Variants in CIB4 observed in about 807,000 individuals in gnomAD.
The protein encoded by CIB4 is calcium and integrin binding family member 4, also known as calcium and integrin-binding family member 4.
CIB4 carries 25 observed loss-of-function variants against 25.8 expected under a neutral mutation model. The ratio of observed to expected loss-of-function variants is 0.97; its 90% CI spans 0.71 to 1.35. The LOEUF (loss-of-function observed/expected upper bound fraction) is 1.35, where lower values mean the gene tolerates loss of function less well. CIB4 is among the 40% of genes most tolerant of loss of function. The pLI, the probability that CIB4 is intolerant of heterozygous loss-of-function variation, is 0.00. For synonymous variants in CIB4, 75 were observed against 81.4 expected, an observed-to-expected ratio of 0.92 and a Z score of 0.42; for missense variants, 235 against 228.2, an observed-to-expected ratio of 1.03 and a Z score of -0.19.
At position 26,595,159 on chromosome 2, in the gene CIB4, TC is replaced by T. The variant is rs750123143; in HGVS notation, c.328+16del. The T allele has an allele frequency of 2.5e-6, 4 of 1,597,324 alleles. No homozygotes were observed. Among genetic ancestry groups the T allele is most frequent in the South Asian group, 1.1e-5 (1 of 90,510 alleles). On this transcript the variant is annotated intron_variant, in intron 4 of 6. Transcript: ENST00000288861. ...GGCCTTTCCACCCCTCACCCCTCAG[TC>T]CCCCACAGCACCTACCATAGATGCG...
intron 2 of CIB4, among the ~76,000 whole-genome samples, chr2:26,639,211 T>C (rs1024076203): frequency 6.6e-6 from 1 of 151,920 alleles, no homozygotes; most frequent in African/African-American, 2.4e-5. Flanking sequence ...TTTTTTTAAA[T>C]TATATTTTAA....
At chr2:26,596,498 C>T (rs1410516680) in intron 3 of CIB4, among the ~76,000 whole-genome samples, 1 of 152,132 alleles carries the variant, frequency 6.6e-6, no homozygotes, top group Non-Finnish European at 1.5e-5. Context: ...AATCCCAGCA[C>T]TTTGGGTGGC....
chr2:26,591,509 C>T (rs1434454357), intron 4 of CIB4, among the ~76,000 whole-genome samples: 1 of 152,136 alleles, frequency 6.6e-6, no homozygotes. Flanking sequence ...GCCCTAGGGC[C>T]CCAGGAGTCC....
At chr2:26,600,673 AGGGTGTAACAAAACCTTTT>A (rs1347266071) in intron 3 of CIB4, among the ~76,000 whole-genome samples, 9 of 152,302 alleles carry the variant, frequency 5.9e-5, no homozygotes, top group Middle Eastern at 6.8e-3. Context: ...TCCTGGGAGA[AGGGTGTAACAAAACCTTTT>A]GTATTTTAGT....
intron 6 of CIB4, among the ~76,000 whole-genome samples, chr2:26,581,975 T>C (rs1343397940): frequency 6.6e-6 from 1 of 152,312 alleles, no homozygotes; most frequent in East Asian, 1.9e-4. Context: ...AGGGAGGCCG[T>C]GCATGGTCTT....
In CIB4 at chr2:26,627,446, A is replaced by T. The variant is rs952931104; in HGVS notation, c.186+1964T>A. Among the ~76,000 whole-genome samples the T allele has an allele frequency of 6.6e-6, 1 of 152,160 alleles. No homozygotes were observed. Among genetic ancestry groups the T allele is most frequent in the Non-Finnish European group, 1.5e-5 (1 of 68,020 alleles). On this transcript the variant is annotated intron_variant, in intron 3 of 6. Transcript: ENST00000288861. This position sits in a 1 kb window ranked among gnomAD's most constrained non-coding sequence, Gnocchi z 4.0. ...GTAGCATTCAGAGAGTCTGGGACTG[A>T]CCAGTGACCCTGCACCCACCCAGGG...
At chr2:26,618,986 C>T (rs1342029357) in intron 3 of CIB4, among the ~76,000 whole-genome samples, 1 of 152,174 alleles carries the variant, frequency 6.6e-6, no homozygotes, top group African/African-American at 2.4e-5. Context: ...CGCTGTGAAG[C>T]CCCTGGCTGG....
Position 26,641,182 on chromosome 2 carries a change from G to A in CIB4, c.54+79C>T, listed in dbSNP as rs935240203. The stretch of plus-strand genomic sequence containing the variant: ...ATTGGACACCCCTGCTAGAGCGTCA[G>A]GAAGGAATTTTCCCATTCATTCCAC... On this transcript the variant is annotated intron_variant, in intron 1 of 6. Transcript: ENST00000288861. The A allele has an allele frequency of 1.2e-5, 15 of 1,241,066 alleles. No homozygotes were observed. In the African/African-American group the frequency reaches 2.1e-4, roughly 17 times the overall value. 76.9% of individuals were successfully genotyped at this position (1,241,066 alleles called of 1,614,324 possible). A position where few individuals can be genotyped will look rare whatever the true frequency, so the allele number is the denominator to read the frequency against.
intron 3 of CIB4, among the ~76,000 whole-genome samples, chr2:26,618,704 T>A (rs1190164092): frequency 3.3e-5 from 5 of 152,136 alleles, no homozygotes; most frequent in Admixed American, 3.3e-4. Flanking sequence ...GGTCTACGTG[T>A]GGGTACTCCG....
At chr2:26,593,631 G>T (rs1668629405) in intron 4 of CIB4, among the ~76,000 whole-genome samples, 1 of 152,258 alleles carries the variant, frequency 6.6e-6, no homozygotes, top group African/African-American at 2.4e-5. Flanking sequence ...TTTGTACATT[G>T]TGTACAATTT....
In CIB4 at chr2:26,633,328, G is replaced by A. The variant is rs116011454; in HGVS notation, c.90-3822C>T. On this transcript the variant is annotated intron_variant, in intron 2 of 6. Coordinates refer to ENST00000288861, the MANE Select transcript of CIB4 (RefSeq NM_001029881.3). Reference sequence around the variant, plus strand: ...CAACTCTCTGTGGGAGAAGTGGAGGGGCCATCATTTCTACAGATGGGTAAA... The same window carrying A: ...CAACTCTCTGTGGGAGAAGTGGAGGAGCCATCATTTCTACAGATGGGTAAA... Among the ~76,000 whole-genome samples, 1,082 of 152,268 alleles carry A rather than the reference G, an allele frequency of 7.1e-3. 12 individuals carry two copies. Among genetic ancestry groups the A allele is most frequent in the African/African-American group, 0.024 (984 of 41,546 alleles).
At chr2:26,600,983 G>A (rs1376264793) in intron 3 of CIB4, among the ~76,000 whole-genome samples, 6 of 151,902 alleles carry the variant, frequency 3.9e-5, no homozygotes, top group Admixed American at 1.3e-4. Flanking sequence ...CACTTTGGGA[G>A]GCTAAAGGGT....
At chr2:26,597,078 A>C (rs1198011763) in intron 3 of CIB4, among the ~76,000 whole-genome samples, 92 of 152,234 alleles carry the variant, frequency 6.0e-4, no homozygotes, top group Admixed American at 6.0e-3. Flanking sequence ...CATGCTTTGA[A>C]GAGAATATTT....
chr2:26,596,389 G>C (rs1668683221), intron 3 of CIB4, among the ~76,000 whole-genome samples: 1 of 152,156 alleles, frequency 6.6e-6, no homozygotes, highest in African/African-American at 2.4e-5. Context: ...GGTAAGCCCA[G>C]AAATAACTAA....
intron 6 of CIB4, 76 bp from the exon 7 acceptor site, chr2:26,581,469 CCT>C: frequency 7.0e-7 from 1 of 1,428,596 alleles, no homozygotes; most frequent in Non-Finnish European, 9.9e-7. Flanking sequence ...TCACAGTAGT[CCT>C]GGAGGCTCCC....
chr2:26,596,041 T>C (rs1206615621), intron 3 of CIB4, among the ~76,000 whole-genome samples: 1 of 152,200 alleles, frequency 6.6e-6, no homozygotes, highest in Non-Finnish European at 1.5e-5. Context: ...AGAGAAAATA[T>C]TGCCTAAGAT....
intron 4 of CIB4, among the ~76,000 whole-genome samples, chr2:26,589,099 T>TTCCTCTTCC (rs1491574338): frequency 2.7e-5 from 2 of 75,348 alleles, no homozygotes; most frequent in African/African-American, 1.1e-4. Context: ...CTTCTTCTTC[T>TTCCTCTTCC]TCTTCTTCCT....
At chr2:26,590,544 C>T (rs976709350) in intron 4 of CIB4, among the ~76,000 whole-genome samples, 1 of 152,228 alleles carries the variant, frequency 6.6e-6, no homozygotes, top group African/African-American at 2.4e-5. Flanking sequence ...AGTTACCATG[C>T]CCGCCTTCTC....
chr2:26,629,624 G>C, intron 2 of CIB4, 118 bp from the exon 3 acceptor site: 1 of 687,452 alleles, frequency 1.5e-6, no homozygotes, highest in Non-Finnish European at 2.6e-6. Context: ...GTCTCTTTGA[G>C]GAAGGAGACT....
Sources: allele counts gnomAD v4.1 joint callset (sites outside exome capture counted in the v4.1 genomes callset), GRCh38; gene constraint gnomAD v4.1.1; non-coding constraint Gnocchi (gnomAD v3.1); transcripts MANE v1.5; gene names NCBI Gene and HGNC (gene_info 2026-07-23, HGNC 2026-07-21).